The following ADAMTS12 variants were observed in gnomAD, a reference collection of about 807,000 sequenced individuals.
ADAMTS12 encodes the protein ADAM metallopeptidase with thrombospondin type 1 motif 12.
In ADAMTS12, 118 loss-of-function variants were observed where a neutral mutation model predicts 167.8. The observed-to-expected ratio is 0.70, with a 90% CI of 0.61 to 0.82. ADAMTS12 has a LOEUF of 0.82. Among genes scored for constraint, ADAMTS12 ranks in the 40% least tolerant of loss-of-function variants. The pLI, the probability that ADAMTS12 is intolerant of heterozygous loss-of-function variation, is 0.00. For synonymous variants in ADAMTS12, 704 were observed against 716.9 expected, an observed-to-expected ratio of 0.98 and a Z score of 0.29; for missense variants, 1,916 against 1,998.8, an observed-to-expected ratio of 0.96 and a Z score of 0.79.
chr5:33,757,481 C>T (rs1460009696), intron 2 of ADAMTS12, among the ~76,000 whole-genome samples: 1 of 152,164 alleles, frequency 6.6e-6, no homozygotes, highest in African/African-American at 2.4e-5. Context: ...GGTTCCACTT[C>T]TAGAGGGAGT....
chr5:33,770,573 C>G (rs771120664), intron 2 of ADAMTS12, among the ~76,000 whole-genome samples: 1 of 152,022 alleles, frequency 6.6e-6, no homozygotes, highest in African/African-American at 2.4e-5. Context: ...CAGAAAAATT[C>G]AGGGGTCTAA....
At chr5:33,753,154 CAA>C (rs1162149876) in intron 2 of ADAMTS12, among the ~76,000 whole-genome samples, 1 of 152,184 alleles carries the variant, frequency 6.6e-6, no homozygotes, top group Non-Finnish European at 1.5e-5. Context: ...TTCGGGGAAT[CAA>C]ATGAGGTGAA....
intron 16 of ADAMTS12, among the ~76,000 whole-genome samples, chr5:33,608,660 A>G (rs1416872087): frequency 6.6e-6 from 1 of 152,216 alleles, no homozygotes; most frequent in African/African-American, 2.4e-5. Flanking sequence ...AGTTCCACCC[A>G]GAGGTACAGA....
chr5:33,651,677 T>G (rs963543698), intron 7 of ADAMTS12, among the ~76,000 whole-genome samples: 3 of 152,162 alleles, frequency 2.0e-5, no homozygotes, highest in African/African-American at 7.2e-5. Context: ...GGGGGATACA[T>G]GTGCAGGTCT....
Position 33,643,381 on chromosome 5 carries a change from C to T in ADAMTS12, c.1569G>A (p.Lys523=), listed in dbSNP as rs770249430. 5 of 1,614,140 alleles carry T rather than the reference C, an allele frequency of 3.1e-6. 1 individual carries two copies. In the South Asian group the frequency reaches 4.4e-5, roughly 14 times the overall value. ...AAADGTQCGE[K]KWCMAGKCIT... ...ATTCCTCGGCCTGACGCATCACCTT[C>T]TTCTCACCACATTGAGTTCCATCTG... The change falls in exon 10 of 24, where the codon AAG becomes AAA. Residue 523 remains lysine (K), a synonymous_variant. Coordinates refer to ENST00000504830, the MANE Select transcript of ADAMTS12 (RefSeq NM_030955.4).
At chr5:33,676,995 T>G (rs1435209119) in intron 5 of ADAMTS12, among the ~76,000 whole-genome samples, 1 of 152,172 alleles carries the variant, frequency 6.6e-6, no homozygotes, top group Non-Finnish European at 1.5e-5. Flanking sequence ...CCAATGCCAT[T>G]AGGCTCCTCC....
intron 2 of ADAMTS12, among the ~76,000 whole-genome samples, chr5:33,852,488 TGGGTAAA>T (rs996380073): frequency 7.9e-5 from 12 of 152,188 alleles, no homozygotes; most frequent in African/African-American, 2.9e-4. Context: ...GGATGGAGAA[TGGGTAAA>T]GGGAGGAATC....
intron 1 of ADAMTS12, among the ~76,000 whole-genome samples, chr5:33,889,206 G>A (rs923349360): frequency 6.6e-6 from 1 of 152,076 alleles, no homozygotes; most frequent in African/African-American, 2.4e-5. Flanking sequence ...CGCAGCATTT[G>A]GGGAGGCTGA....
intron 2 of ADAMTS12, among the ~76,000 whole-genome samples, chr5:33,755,162 G>A (rs1184458004): frequency 6.6e-6 from 1 of 152,130 alleles, no homozygotes; most frequent in Non-Finnish European, 1.5e-5. Context: ...TTCTTTGGAG[G>A]AAAAAATATT....
chr5:33,529,434 T>C (rs573813870), intron 23 of ADAMTS12, among the ~76,000 whole-genome samples: 1 of 152,304 alleles, frequency 6.6e-6, no homozygotes, highest in Admixed American at 6.5e-5. Flanking sequence ...AAGCTTGCCT[T>C]AGGTACTTCT....
rs76865591 is a variant in ADAMTS12 at position 33,594,766 on chromosome 5, C to T, written c.2654+1168G>A. On this transcript the variant is annotated intron_variant, in intron 17 of 23. Transcript: ENST00000504830. ...CCACAGAACAGAAGAGAAAATAAAC[C>T]TCTCTCTCTGAGCTGAGAATACCCT... 8.2e-3 allele frequency among the ~76,000 whole-genome samples: 1,250 copies of T among 152,258 alleles called. 51 individuals carry two copies. The East Asian group carries it at 0.13, about 16-fold the overall frequency.
chr5:33,540,543 C>A (rs1226047097), intron 22 of ADAMTS12, among the ~76,000 whole-genome samples: 1 of 152,176 alleles, frequency 6.6e-6, no homozygotes, highest in African/African-American at 2.4e-5. Flanking sequence ...CTAACTGGAA[C>A]ACACCTCCCA....
intron 3 of ADAMTS12, among the ~76,000 whole-genome samples, chr5:33,740,441 T>C (rs7710508): frequency 0.064 from 9,673 of 152,200 alleles, 1,070 homozygotes; most frequent in African/African-American, 0.22. Flanking sequence ...TCCCCTTTGC[T>C]GAGGGGCCCA....
intron 2 of ADAMTS12, among the ~76,000 whole-genome samples, chr5:33,807,802 C>G (rs9292516): frequency 6.6e-6 from 1 of 151,936 alleles, no homozygotes; most frequent in Non-Finnish European, 1.5e-5. Flanking sequence ...AGAACCATCA[C>G]GAGTAATGGT....
intron 2 of ADAMTS12, among the ~76,000 whole-genome samples, chr5:33,860,512 T>C (rs1002031823): frequency 6.6e-5 from 10 of 152,100 alleles, no homozygotes; most frequent in Admixed American, 2.0e-4. Flanking sequence ...TATGAGACTA[T>C]GTAGAAAGAC....
At chr5:33,668,443 C>T (rs7718998) in intron 5 of ADAMTS12, among the ~76,000 whole-genome samples, 145,047 of 152,124 alleles carry the variant, frequency 0.95, 69,533 homozygotes, top group Non-Finnish European at 1. Flanking sequence ...TTTTAACCTA[C>T]GGATCTGTTC....
intron 3 of ADAMTS12, among the ~76,000 whole-genome samples, chr5:33,727,907 G>C (rs1744044037): frequency 6.6e-6 from 1 of 152,178 alleles, no homozygotes; most frequent in African/African-American, 2.4e-5. Flanking sequence ...TGAGGCAGTA[G>C]GCTTACTGAG....
chr5:33,832,158 G>A (rs1304515493), intron 2 of ADAMTS12, among the ~76,000 whole-genome samples: 1 of 152,198 alleles, frequency 6.6e-6, no homozygotes, highest in Non-Finnish European at 1.5e-5. Context: ...TCTGCAGTTT[G>A]ATTTCCAAAG....
At chr5:33,888,605 C>A (rs1750729012) in intron 1 of ADAMTS12, among the ~76,000 whole-genome samples, 1 of 152,136 alleles carries the variant, frequency 6.6e-6, no homozygotes, top group Non-Finnish European at 1.5e-5. Context: ...CTGTTTCTTG[C>A]ACAAGCCTGG....
Sources: gnomAD v4.1 joint callset for allele counts (sites outside exome capture counted in the v4.1 genomes callset) on GRCh38, gnomAD v4.1.1 for gene constraint, MANE v1.5 for transcripts, NCBI Gene and HGNC (gene_info 2026-07-23, HGNC 2026-07-21) for gene names.